UNC13C: variants seen among roughly 807,000 people sequenced by gnomAD.
UNC13C encodes unc-13 homolog C.
UNC13C carries 174 observed loss-of-function variants against 245.4 expected under a neutral mutation model. That is an observed-to-expected ratio of 0.71 (90% CI 0.63 to 0.80). The LOEUF is 0.80. Among genes scored for constraint, UNC13C ranks in the 30% least tolerant of loss-of-function variants. The pLI, the probability that UNC13C is intolerant of heterozygous loss-of-function variation, is 0.00. For missense variants in UNC13C, 2,829 were observed against 2,602.9 expected (o/e 1.09, Z -1.89); for synonymous variants, 992 against 895.1 (o/e 1.11, Z -1.93).
At chr15:54,229,171 T>G (rs7174025) in intron 4 of UNC13C, among the ~76,000 whole-genome samples, 1 of 152,028 alleles carries the variant, frequency 6.6e-6, no homozygotes, top group Admixed American at 6.6e-5. Context: ...AATTACTGCA[T>G]TCTCTCTCCC....
At chr15:54,379,890 T>C (rs904783777) in intron 17 of UNC13C, among the ~76,000 whole-genome samples, 2 of 152,198 alleles carry the variant, frequency 1.3e-5, no homozygotes, top group African/African-American at 2.4e-5. Flanking sequence ...GTATTTATCA[T>C]GCACAACATG....
chr15:54,377,878 G>A (rs975152937), intron 17 of UNC13C, among the ~76,000 whole-genome samples: 1 of 152,108 alleles, frequency 6.6e-6, no homozygotes, highest in African/African-American at 2.4e-5. Context: ...TTTGGCCGTG[G>A]GGATTAGACC....
At position 54,015,828 on chromosome 15, in the gene UNC13C, A is replaced by G; in HGVS notation, c.2925A>G (p.Ala975=). ...GAATTCGTCCTTCTTTCAAAGAAGC[A>G]GCTTTAAGGGCCTATAAAAAGCAAA... ...PKRIRPSFKE[A]ALRAYKKQMA... Residue 975 remains alanine, a synonymous_variant, in exon 2 of 33, where the codon GCA becomes GCG. Coordinates refer to ENST00000260323, the MANE Select transcript of UNC13C (RefSeq NM_001080534.3). 1 of 1,610,872 alleles carries G rather than the reference A, an allele frequency of 6.2e-7. No homozygotes were observed. Among genetic ancestry groups the G allele is most frequent in the Non-Finnish European group, 8.5e-7 (1 of 1,178,454 alleles).
intron 2 of UNC13C, among the ~76,000 whole-genome samples, chr15:54,035,833 A>G (rs529754570): frequency 2.0e-5 from 3 of 152,228 alleles, no homozygotes; most frequent in South Asian, 2.1e-4. Flanking sequence ...AAAGTTTCAC[A>G]AGGTGGGGAG....
intron 28 of UNC13C, among the ~76,000 whole-genome samples, chr15:54,553,242 CAA>C (rs1426607173): frequency 5.3e-5 from 6 of 112,766 alleles, no homozygotes; most frequent in African/African-American, 1.4e-4. Flanking sequence ...TTCTATATTA[CAA>C]TATATATTAT....
chr15:54,147,781 G>GGTGTGTGTGTGTGTGTGT (rs1372170799), intron 4 of UNC13C, among the ~76,000 whole-genome samples: 3 of 24,576 alleles, frequency 1.2e-4, no homozygotes, highest in Admixed American at 5.5e-4. Context: ...AGCATTGCAA[G>GGTGTGTGTGTGTGTGTGT]GTGTGTGCGT....
intron 1 of UNC13C, among the ~76,000 whole-genome samples, chr15:53,994,691 A>G (rs1894538192): frequency 6.6e-6 from 1 of 152,188 alleles, no homozygotes; most frequent in East Asian, 1.9e-4. Flanking sequence ...TGAAGGGAGA[A>G]CAGCTTGGAA....
chr15:54,066,134 T>C (rs1898064529), intron 2 of UNC13C, among the ~76,000 whole-genome samples: 2 of 152,202 alleles, frequency 1.3e-5, no homozygotes, highest in Admixed American at 6.5e-5. Context: ...CCAGAGAAGC[T>C]TCTGGGAATA....
At chr15:54,190,524 C>G (rs930650482) in intron 4 of UNC13C, among the ~76,000 whole-genome samples, 1 of 151,898 alleles carries the variant, frequency 6.6e-6, no homozygotes, top group Non-Finnish European at 1.5e-5. Flanking sequence ...ATGCGCCATT[C>G]TTCACCCTTT....
chr15:54,210,220 A>G (rs896772281), intron 4 of UNC13C, among the ~76,000 whole-genome samples: 3 of 130,094 alleles, frequency 2.3e-5, no homozygotes, highest in Non-Finnish European at 4.8e-5. Context: ...ATATATATAT[A>G]TATAGTTAAC....
chr15:53,841,819 A>G, the UNC13C span, among the ~76,000 whole-genome samples: 2 of 152,180 alleles, frequency 1.3e-5, no homozygotes, highest in Admixed American at 6.5e-5. Flanking sequence ...ATTAATTTTC[A>G]GGACAAAATT....
At chr15:54,134,282 T>TC (rs74311136) in intron 2 of UNC13C, among the ~76,000 whole-genome samples, 5 of 151,556 alleles carry the variant, frequency 3.3e-5, no homozygotes, top group Non-Finnish European at 7.4e-5. Flanking sequence ...GTTTTTTTTT[T>TC]TGTGAGATTT....
chr15:54,376,304 G>T (rs1365454896), intron 17 of UNC13C, among the ~76,000 whole-genome samples: 1 of 152,060 alleles, frequency 6.6e-6, no homozygotes. Flanking sequence ...AAAGGTATGG[G>T]TTATAGTATT....
intron 10 of UNC13C, among the ~76,000 whole-genome samples, chr15:54,271,065 A>G (rs570667666): frequency 1.4e-4 from 22 of 152,258 alleles, no homozygotes; most frequent in African/African-American, 5.3e-4. Flanking sequence ...TTCAATTTTA[A>G]TTTTATTTAT....
intron 2 of UNC13C, among the ~76,000 whole-genome samples, chr15:54,032,676 A>G (rs567466167): frequency 6.6e-6 from 1 of 152,350 alleles, no homozygotes; most frequent in East Asian, 1.9e-4. Context: ...AATAATAATA[A>G]GAGCCTAAAG....
chr15:54,248,690 G>A (rs955908648), intron 7 of UNC13C, among the ~76,000 whole-genome samples: 17 of 152,104 alleles, frequency 1.1e-4, no homozygotes, highest in African/African-American at 2.9e-4. Flanking sequence ...AGTGATGCCC[G>A]AATTTGACCA....
At chr15:54,282,320 T>G (rs906408545) in intron 10 of UNC13C, among the ~76,000 whole-genome samples, 1 of 152,198 alleles carries the variant, frequency 6.6e-6, no homozygotes, top group Non-Finnish European at 1.5e-5. Flanking sequence ...TGTGTAATTA[T>G]GATGTGGGAT....
the UNC13C span, among the ~76,000 whole-genome samples, chr15:53,922,387 A>G: frequency 6.6e-6 from 1 of 152,252 alleles, no homozygotes; most frequent in Non-Finnish European, 1.5e-5. Flanking sequence ...AGAGACTTAC[A>G]AATGAATGGC....
intron 18 of UNC13C, among the ~76,000 whole-genome samples, chr15:54,400,758 T>G (rs939580852): frequency 6.6e-6 from 1 of 152,170 alleles, no homozygotes; most frequent in African/African-American, 2.4e-5. Flanking sequence ...GTTTTTATAT[T>G]TTTTTATTAT....
Sources: allele counts gnomAD v4.1 joint callset (sites outside exome capture counted in the v4.1 genomes callset), GRCh38; gene constraint gnomAD v4.1.1; transcripts MANE v1.5; gene names NCBI Gene and HGNC (gene_info 2026-07-23, HGNC 2026-07-21).